The following TSNAXIP1 variants were observed in gnomAD, a reference collection of about 807,000 sequenced individuals.
TSNAXIP1 encodes translin-associated factor X-interacting protein 1.
Under a neutral mutation model 84.8 loss-of-function variants are expected in TSNAXIP1, and 89 were observed. That is an observed-to-expected ratio of 1.05 (90% CI 0.88 to 1.25). The LOEUF is 1.25. Ranked by LOEUF, TSNAXIP1 falls within the 50% of genes most tolerant of loss-of-function variation. TSNAXIP1 has a pLI of 0.00. For missense variants in TSNAXIP1, 874 were observed against 887.6 expected, an observed-to-expected ratio of 0.98 and a Z score of 0.20; for synonymous variants, 347 against 335.2, an observed-to-expected ratio of 1.04 and a Z score of -0.39.
At chr16:67,820,529 G>A (rs2056955666) in intron 2 of TSNAXIP1, among the ~76,000 whole-genome samples, 1 of 151,862 alleles carries the variant, frequency 6.6e-6, no homozygotes, top group Non-Finnish European at 1.5e-5. Context: ...GGTGGATCAC[G>A]AGGTTAAGAG....
chr16:67,816,018 G>T (rs2151213294), intron 2 of TSNAXIP1, among the ~76,000 whole-genome samples: 1 of 146,846 alleles, frequency 6.8e-6, no homozygotes, highest in East Asian at 2.0e-4. Context: ...GCCCAGGCTG[G>T]AGTGCAGTGA....
rs902531165 is a variant in TSNAXIP1 at position 67,812,357 on chromosome 16, A to AT, written c.48-1936dup. Among the ~76,000 whole-genome samples the AT allele has an allele frequency of 1.9e-4, 28 of 150,642 alleles. No individual in the cohort carries two copies. The East Asian group carries it at 1.9e-3, about 10-fold the overall frequency. On this transcript the variant is annotated intron_variant, in intron 1 of 15. Transcript: ENST00000561639. ...GTTTACATGGTATTTTGCATATCTC[A>AT]TTTTTTTTTATTTATTTAAAAAAAA... is the stretch of plus-strand genomic sequence containing the variant.
At chr16:67,825,389 C>T (rs2057361801) in intron 7 of TSNAXIP1, 117 bp downstream of exon 7, 1 of 1,416,502 alleles carries the variant, frequency 7.1e-7, no homozygotes, top group Non-Finnish European at 9.6e-7. Flanking sequence ...CATAACCATT[C>T]AGAGGGGAGA....
At chr16:67,825,498 G>A (rs530344323) in intron 7 of TSNAXIP1, among the ~76,000 whole-genome samples, 169 bp from the exon 8 acceptor site, 34 of 152,320 alleles carry the variant, frequency 2.2e-4, no homozygotes, top group Non-Finnish European at 2.9e-4. Context: ...CAGTGGGCTG[G>A]ACAGGCCTGG....
chr16:67,809,855 A>T (rs1268969581), intron 1 of TSNAXIP1, among the ~76,000 whole-genome samples: 1 of 151,858 alleles, frequency 6.6e-6, no homozygotes, highest in African/African-American at 2.4e-5. Flanking sequence ...AGGCTGAAGC[A>T]GGAGAATCGC....
intron 4 of TSNAXIP1, among the ~76,000 whole-genome samples, chr16:67,822,566 A>G (rs919002335): frequency 1.1e-4 from 17 of 148,972 alleles, no homozygotes; most frequent in Non-Finnish European, 1.9e-4. Context: ...GGGAGGGAGG[A>G]AGAGAGAGAG....
chr16:67,809,578 T>C (rs1247961552), intron 1 of TSNAXIP1, among the ~76,000 whole-genome samples: 1 of 150,816 alleles, frequency 6.6e-6, no homozygotes. Flanking sequence ...AGCTGAGATC[T>C]TGCCACTGCA....
At position 67,825,665 on chromosome 16, in the gene TSNAXIP1, A is replaced by C; in HGVS notation, c.815-2A>C. On this transcript the variant is annotated splice_acceptor_variant, in intron 7 of 15. Coordinates refer to ENST00000561639, the MANE Select transcript of TSNAXIP1 (RefSeq NM_001288990.3). LOFTEE classifies it high-confidence loss of function. ...GGGCTGGTGGGCCCCTTCCCCTGGC[A>C]GGCATCTGGGGGGAGGACCCTGTGA... is the stretch of plus-strand genomic sequence containing the variant. The C allele has an allele frequency of 6.2e-7, 1 of 1,606,374 alleles. No individual in the cohort carries two copies. The highest frequency in any genetic ancestry group is 8.5e-7 in the Non-Finnish European group (1 of 1,174,496).
chr16:67,821,039 A>AC, intron 3 of TSNAXIP1, 60 bp from the exon 4 acceptor site: 6 of 1,607,518 alleles, frequency 3.7e-6, no homozygotes, highest in Non-Finnish European at 5.1e-6. Context: ...GTTGCCCCAG[A>AC]CTGAGGGCAC....
In TSNAXIP1 at chr16:67,825,841, T is replaced by TGGCA. The variant is rs769063173; in HGVS notation, c.984+16_984+19dup. On this transcript the variant is annotated splice_donor_region_variant and intron_variant, in intron 8 of 15. Coordinates refer to ENST00000561639, the MANE Select transcript of TSNAXIP1 (RefSeq NM_001288990.3). ...AACAAGGATCTTCAGGAGCAGGTGC[T>TGGCA]GGCAGGCAGGCAGGGCCAGGAGGGT... 9 of 1,614,086 alleles carry TGGCA rather than the reference T, an allele frequency of 5.6e-6. No homozygotes were observed. The highest frequency in any genetic ancestry group is 4.4e-5 in the South Asian group (4 of 91,084).
chr16:67,827,412 G>A (rs2057544514), intron 14 of TSNAXIP1, 37 bp downstream of exon 14: 25 of 1,614,086 alleles, frequency 1.5e-5, no homozygotes, highest in Non-Finnish European at 1.9e-5. Flanking sequence ...CCTGGCCCCT[G>A]CCCTAGCCTT....
In TSNAXIP1 at chr16:67,827,962, T is replaced by C. The variant is rs2057601018; in HGVS notation, c.2108T>C (p.Val703Ala). 6.2e-7 allele frequency: 1 copy of C among 1,613,476 alleles called. No homozygotes were observed. Among genetic ancestry groups the C allele is most frequent in the African/African-American group, 1.3e-5 (1 of 74,902 alleles). Reference protein sequence around the residue: ...ERLQVIDIRRVGPREPEPAS With the variant: ...ERLQVIDIRRAGPREPEPAS ...CTTCAGGTGATTGACATCAGGCGTG[T>C]GGGACCTCGAGAGCCAGAGCCTGCA... The change falls in exon 16 of 16, where the codon GTG (valine) becomes GCG (alanine). Residue 703 changes from valine to alanine, a missense_variant. Val to Ala is a moderately conservative substitution (Grantham distance 64). Coordinates refer to ENST00000561639, the MANE Select transcript of TSNAXIP1 (RefSeq NM_001288990.3).
intron 2 of TSNAXIP1, among the ~76,000 whole-genome samples, chr16:67,818,093 C>T (rs2056741467): frequency 6.7e-6 from 1 of 149,766 alleles, no homozygotes; most frequent in African/African-American, 2.4e-5. Context: ...CCTGTAATTC[C>T]GGCTACTCGG....
At chr16:67,814,491 G>A in intron 2 of TSNAXIP1, 90 bp downstream of exon 2, 1 of 1,045,804 alleles carries the variant, frequency 9.6e-7, no homozygotes, top group Non-Finnish European at 1.4e-6. Flanking sequence ...CCACCCACCT[G>A]AAACATGCCC....
rs376097219 is a variant in TSNAXIP1, at chr16:67,826,156, G to A, written c.1149G>A (p.Val383=). 7 of 1,613,040 alleles carry A rather than the reference G, an allele frequency of 4.3e-6. No homozygotes were observed. The Admixed American group carries it at 1.2e-4, about 27-fold the overall frequency. Residue 383 remains valine, a synonymous_variant, in exon 10 of 16, where the codon GTG becomes GTA. Transcript: ENST00000561639. ...PRPDWTKCKD[V]VAGGPERWQM... is the part of the protein sequence containing the mutation. ...GCTCCCTCTCCCCACATGCAGATGT[G>A]GTGGCTGGGGGCCCAGAGCGCTGGC...
At chr16:67,821,329 G>T in intron 4 of TSNAXIP1, 104 bp downstream of exon 4, 1 of 1,446,840 alleles carries the variant, frequency 6.9e-7, no homozygotes, top group South Asian at 1.3e-5. Flanking sequence ...CAGCACTTTG[G>T]GAGGCCAAGG....
At chr16:67,821,577 C>T (rs932880170) in intron 4 of TSNAXIP1, among the ~76,000 whole-genome samples, 5 of 151,538 alleles carry the variant, frequency 3.3e-5, no homozygotes, top group Admixed American at 2.6e-4. Context: ...GACTCCGTCT[C>T]AAAAACAAAA....
Position 67,825,841 on chromosome 16 carries a change from T to C in TSNAXIP1, c.984+5T>C, listed in dbSNP as rs1370330787. The C allele has an allele frequency of 3.1e-6, 5 of 1,614,086 alleles. No individual in the cohort carries two copies. In the Admixed American group the frequency reaches 6.7e-5, roughly 22 times the overall value. On this transcript the variant is annotated splice_donor_5th_base_variant and intron_variant, in intron 8 of 15. Transcript: ENST00000561639. ...AACAAGGATCTTCAGGAGCAGGTGCTGGCAGGCAGGCAGGGCCAGGAGGGT... is the reference window on the plus strand; with the variant it reads ...AACAAGGATCTTCAGGAGCAGGTGCCGGCAGGCAGGCAGGGCCAGGAGGGT...
Position 67,820,898 on chromosome 16 carries a change from G to T in TSNAXIP1, c.207G>T (p.Gln69His). The T allele has an allele frequency of 6.2e-7, 1 of 1,604,390 alleles. No individual in the cohort carries two copies. Among genetic ancestry groups the T allele is most frequent in the South Asian group, 1.1e-5 (1 of 89,378 alleles). ...LSPWPTYTSGQTILQNRKPCS... is the reference protein window; with the variant it reads ...LSPWPTYTSGHTILQNRKPCS... ...CATGGCCCACATACACCAGTGGCCA[G>T]ACCATTTTGCAAAATCGAAAACCCT... The change falls in exon 3 of 16, where the codon CAG (glutamine) becomes CAT (histidine). Residue 69 changes from glutamine (Q) to histidine (H), a missense_variant. By Grantham distance (24) the Gln-to-His change is conservative. Coordinates refer to ENST00000561639, the MANE Select transcript of TSNAXIP1 (RefSeq NM_001288990.3).
Sources: allele counts gnomAD v4.1 joint callset (sites outside exome capture counted in the v4.1 genomes callset), GRCh38; gene constraint gnomAD v4.1.1; transcripts MANE v1.5; gene names NCBI Gene and HGNC (gene_info 2026-07-23, HGNC 2026-07-21).